TSPAN9: variants seen among roughly 807,000 people sequenced by gnomAD.
TSPAN9 encodes the protein tetraspanin 9.
Under a neutral mutation model 31.0 loss-of-function variants are expected in TSPAN9, and 16 were observed. The ratio of observed to expected loss-of-function variants is 0.52; its 90% CI spans 0.35 to 0.78. The LOEUF is 0.78. Ranked by LOEUF, TSPAN9 falls within the 30% of genes least tolerant of loss-of-function variation. The pLI, the probability that TSPAN9 is intolerant of heterozygous loss-of-function variation, is 0.01. For synonymous variants in TSPAN9, 145 were observed against 121.6 expected (o/e 1.19, Z -1.27); for missense variants, 272 against 312.5 (o/e 0.87, Z 0.98).
At chr12:3,180,354 G>A (rs756736055) in intron 2 of TSPAN9, among the ~76,000 whole-genome samples, 16 of 152,094 alleles carry the variant, frequency 1.1e-4, no homozygotes, top group Non-Finnish European at 2.4e-4. Context: ...AGCCAGGATG[G>A]TGGCCCATAC....
intron 2 of TSPAN9, among the ~76,000 whole-genome samples, chr12:3,156,340 T>C (rs1257952469): frequency 6.6e-6 from 1 of 152,028 alleles, no homozygotes; most frequent in Non-Finnish European, 1.5e-5. Flanking sequence ...CCTCCCTCCA[T>C]GTAGCCCCCT....
At chr12:3,155,617 G>C (rs1209260889) in intron 2 of TSPAN9, among the ~76,000 whole-genome samples, 1 of 152,108 alleles carries the variant, frequency 6.6e-6, no homozygotes, top group Non-Finnish European at 1.5e-5. Context: ...AAATAAAGAG[G>C]GAGCGAGAGC....
At position 3,112,216 on chromosome 12, in the gene TSPAN9, T is replaced by C. The variant is rs372651170; in HGVS notation, c.-18+28497T>C. On this transcript the variant is annotated intron_variant, in intron 2 of 8. Coordinates refer to ENST00000011898, the MANE Select transcript of TSPAN9 (RefSeq NM_006675.5). ...TTTTGAGATGGAGTTTCACTCTTGT[T>C]GCCCAGGATGGAGTACAATGGCACG... 7.3e-5 allele frequency among the ~76,000 whole-genome samples: 11 copies of C among 150,426 alleles called. No individual in the cohort carries two copies. The East Asian group carries it at 1.4e-3, about 19-fold the overall frequency.
At position 3,249,873 on chromosome 12, in the gene TSPAN9, G is replaced by A. The variant is rs376115230; in HGVS notation, c.64-28548G>A. On this transcript the variant is annotated intron_variant, in intron 3 of 8. Transcript: ENST00000011898. ...TTTTCCTCCTGCAATGCTGCACCTT[G>A]TTGATGAGTGGGGTTGATTGCCCCT... Among the ~76,000 whole-genome samples, 12 of 152,344 alleles carry A rather than the reference G, an allele frequency of 7.9e-5. No homozygotes were observed. The East Asian group carries it at 2.3e-3, about 29-fold the overall frequency.
At chr12:3,164,014 GA>G (rs1416832265) in intron 2 of TSPAN9, among the ~76,000 whole-genome samples, 3 of 152,200 alleles carry the variant, frequency 2.0e-5, no homozygotes, top group Non-Finnish European at 4.4e-5. Flanking sequence ...GGTGGGGCAG[GA>G]GGGCCAGCAG....
In TSPAN9 at chr12:3,114,251, G is replaced by A. The variant is rs74057553; in HGVS notation, c.-18+30532G>A. Among the ~76,000 whole-genome samples the A allele has an allele frequency of 1.2e-3, 184 of 152,186 alleles. 1 individual carries two copies. The highest frequency in any genetic ancestry group is 4.3e-3 in the African/African-American group (179 of 41,524). ...GCTGTGTTCCAAAAAATGTATTTACGGACATTGAAATTTAAATTTCATGTC... is the reference window on the plus strand; with the variant it reads ...GCTGTGTTCCAAAAAATGTATTTACAGACATTGAAATTTAAATTTCATGTC... On this transcript the variant is annotated intron_variant, in intron 2 of 8. Coordinates refer to ENST00000011898, the MANE Select transcript of TSPAN9 (RefSeq NM_006675.5).
At chr12:3,123,164 C>T (rs376057908) in intron 2 of TSPAN9, among the ~76,000 whole-genome samples, 1 of 152,196 alleles carries the variant, frequency 6.6e-6, no homozygotes, top group African/African-American at 2.4e-5. Context: ...GCCCCGTCGA[C>T]GAACAACAGG....
intron 3 of TSPAN9, among the ~76,000 whole-genome samples, chr12:3,215,830 G>A (rs763449197): frequency 6.6e-6 from 1 of 151,984 alleles, no homozygotes; most frequent in South Asian, 2.1e-4. Context: ...TCCAGAGCAC[G>A]TTCCACCGGG....
chr12:3,107,093 G>GCCA lies in TSPAN9; in HGVS notation c.-18+23385_-18+23387dup, dbSNP rs1565577951. On this transcript the variant is annotated intron_variant, in intron 2 of 8. Transcript: ENST00000011898. This position sits in a 1 kb window ranked among gnomAD's most constrained non-coding sequence, Gnocchi z 4.1. ...TTGTTTCTATTTCAGAAACCTTGCC[G>GCCA]CCACCACCACCACTGCTGCCACCGC... Among the ~76,000 whole-genome samples the GCCA allele has an allele frequency of 6.6e-6, 1 of 152,090 alleles. No homozygotes were observed. Among genetic ancestry groups the GCCA allele is most frequent in the African/African-American group, 2.4e-5 (1 of 41,418 alleles).
intron 2 of TSPAN9, among the ~76,000 whole-genome samples, chr12:3,174,283 TCTCAAACTCCTGGC>T (rs2098353780): frequency 6.6e-6 from 1 of 152,150 alleles, no homozygotes; most frequent in Non-Finnish European, 1.5e-5. Context: ...CCCAGGCTAG[TCTCAAACTCCTGGC>T]CTCAAGCGAT....
intron 2 of TSPAN9, among the ~76,000 whole-genome samples, chr12:3,126,397 G>A (rs1406878928): frequency 6.6e-6 from 1 of 152,304 alleles, no homozygotes; most frequent in East Asian, 1.9e-4. Flanking sequence ...AACTTGTACA[G>A]CATGCTTCTG....
chr12:3,272,158 A>G (rs1360295388), intron 3 of TSPAN9, among the ~76,000 whole-genome samples: 2 of 152,192 alleles, frequency 1.3e-5, no homozygotes, highest in Admixed American at 1.3e-4. Flanking sequence ...GTGACATCTG[A>G]TGCCAGAAGC....
chr12:3,165,413 C>T (rs1220802332), intron 2 of TSPAN9, among the ~76,000 whole-genome samples: 1 of 152,174 alleles, frequency 6.6e-6, no homozygotes, highest in African/African-American at 2.4e-5. Context: ...GTGTCAATTC[C>T]TTGGGCAGAA....
intron 3 of TSPAN9, among the ~76,000 whole-genome samples, chr12:3,273,592 C>T (rs894438802): frequency 6.6e-6 from 1 of 152,234 alleles, no homozygotes; most frequent in Non-Finnish European, 1.5e-5. Context: ...ATGCCACCAG[C>T]TAAGCTCTCC....
At chr12:3,195,202 T>TG (rs1270363788) in intron 2 of TSPAN9, among the ~76,000 whole-genome samples, 1 of 152,214 alleles carries the variant, frequency 6.6e-6, no homozygotes, top group Non-Finnish European at 1.5e-5. Context: ...GGCTGTGGGC[T>TG]GGCCCATTGG....
At chr12:3,214,585 A>C (rs1351869999) in intron 3 of TSPAN9, among the ~76,000 whole-genome samples, 4 of 152,034 alleles carry the variant, frequency 2.6e-5, no homozygotes, top group Non-Finnish European at 4.4e-5. Context: ...TTCCCACTTC[A>C]GGGTAGCAAG....
chr12:3,197,727 AC>A (rs1157187754), intron 2 of TSPAN9, among the ~76,000 whole-genome samples: 23 of 120,882 alleles, frequency 1.9e-4, no homozygotes, highest in African/African-American at 5.1e-4. Context: ...AGCACAGGTC[AC>A]CACCAGCACA....
At chr12:3,202,997 TG>T (rs553266811) in intron 3 of TSPAN9, among the ~76,000 whole-genome samples, 70 of 152,214 alleles carry the variant, frequency 4.6e-4, no homozygotes, top group Non-Finnish European at 2.4e-4. Context: ...ACACGAATGC[TG>T]TCCTTTTCAT....
chr12:3,114,799 C>T (rs1022277674), intron 2 of TSPAN9, among the ~76,000 whole-genome samples: 6 of 148,622 alleles, frequency 4.0e-5, no homozygotes, highest in African/African-American at 1.2e-4. Context: ...ACCGAGGTTG[C>T]GCCATTGCAT....
Sources: allele counts gnomAD v4.1 joint callset (sites outside exome capture counted in the v4.1 genomes callset), GRCh38; gene constraint gnomAD v4.1.1; non-coding constraint Gnocchi (gnomAD v3.1); transcripts MANE v1.5; gene names NCBI Gene and HGNC (gene_info 2026-07-23, HGNC 2026-07-21).